The following KCNT1 variants were observed in gnomAD, a reference collection of about 807,000 sequenced individuals.
KCNT1 encodes the protein potassium channel subfamily T member 1.
Under a neutral mutation model 147.8 loss-of-function variants are expected in KCNT1, and 78 were observed. That is an observed-to-expected ratio of 0.53 (90% confidence interval 0.44 to 0.64). The LOEUF (loss-of-function observed/expected upper bound fraction) is 0.64, where lower values mean the gene tolerates loss of function less well. Among genes scored for constraint, KCNT1 ranks in the 30% least tolerant of loss-of-function variants. KCNT1 has a pLI of 0.00. For synonymous variants in KCNT1, 867 were observed against 748.8 expected, an observed-to-expected ratio of 1.16 and a Z score of -2.58; for missense variants, 1,419 against 1,750.3, an observed-to-expected ratio of 0.81 and a Z score of 3.38.
At position 135,770,453 on chromosome 9, in the gene KCNT1, G is replaced by A. The variant is rs927454585; in HGVS notation, c.1769+6G>A. ...GCCTTCCACGCCCACAAGAAGTAAG[G>A]CCGGGCTGCATCCACAGGGCTGGCG... On this transcript the variant is annotated splice_donor_region_variant and intron_variant, in intron 17 of 30. Transcript: ENST00000371757. The A allele has an allele frequency of 5.0e-6, 8 of 1,607,322 alleles. No homozygotes were observed. Among genetic ancestry groups the A allele is most frequent in the Non-Finnish European group, 6.8e-6 (8 of 1,176,898 alleles).
intron 2 of KCNT1, among the ~76,000 whole-genome samples, chr9:135,744,086 C>G (rs12683679): frequency 6.6e-6 from 1 of 152,312 alleles, no homozygotes; most frequent in East Asian, 1.9e-4. Flanking sequence ...AGAGGCAGCT[C>G]GGACCTCGGC....
chr9:135,773,718 G>A (rs771167590), intron 19 of KCNT1, among the ~76,000 whole-genome samples: 2 of 152,268 alleles, frequency 1.3e-5, no homozygotes, highest in African/African-American at 2.4e-5. Context: ...TGCCTCTGGG[G>A]TGGGGTCAAC....
At position 135,740,509 on chromosome 9, in the gene KCNT1, G is replaced by C. The variant is rs117849863; in HGVS notation, c.255-9589G>C. 7.1e-3 allele frequency among the ~76,000 whole-genome samples: 1,089 copies of C among 152,316 alleles called. 4 individuals are homozygous for C. The highest frequency in any genetic ancestry group is 0.011 in the Non-Finnish European group (767 of 68,008). ...CTGGCAGCTGAGACTGCTCCTTATG[G>C]GCACAAGTCAAGTGGGGATGGCCCC... On this transcript the variant is annotated intron_variant, in intron 2 of 30. Transcript: ENST00000371757.
chr9:135,735,709 T>C (rs896303403), intron 2 of KCNT1, among the ~76,000 whole-genome samples: 1 of 151,878 alleles, frequency 6.6e-6, no homozygotes, highest in South Asian at 2.1e-4. Flanking sequence ...GGGGAAGAAA[T>C]AGAGACAGAT....
At position 135,704,675 on chromosome 9, in the gene KCNT1, C is replaced by T. The variant is rs1588241999; in HGVS notation, c.110+2307C>T. ...CTTTCCTGGAAATACCACTTCCCAG[C>T]AGCTGTGCTCCAGGGCGGGCCTGGG... On this transcript the variant is annotated intron_variant, in intron 1 of 30. Transcript: ENST00000371757. 2.0e-5 allele frequency among the ~76,000 whole-genome samples: 3 copies of T among 152,350 alleles called. No homozygotes were observed. The South Asian group carries it at 6.2e-4, about 32-fold the overall frequency.
At chr9:135,765,497 C>A in intron 12 of KCNT1, 127 bp from the exon 13 acceptor site, 2 of 1,107,474 alleles carry the variant, frequency 1.8e-6, no homozygotes, top group Non-Finnish European at 2.5e-6. Flanking sequence ...TTCCCTCCCA[C>A]CAGATGCAAG....
intron 2 of KCNT1, among the ~76,000 whole-genome samples, chr9:135,743,053 G>C (rs1830645730): frequency 6.6e-6 from 1 of 152,180 alleles, no homozygotes. Context: ...CCCCAGAGGT[G>C]GGTGGTCCGC....
At chr9:135,764,717 C>T (rs1390744257) in intron 11 of KCNT1, among the ~76,000 whole-genome samples, 1 of 152,170 alleles carries the variant, frequency 6.6e-6, no homozygotes, top group Non-Finnish European at 1.5e-5. Context: ...CCACGCTTAC[C>T]ATCAAGAGAG....
At chr9:135,754,235 C>T (rs912379127) in intron 5 of KCNT1, among the ~76,000 whole-genome samples, 9 of 152,356 alleles carry the variant, frequency 5.9e-5, no homozygotes, top group African/African-American at 2.2e-4. Flanking sequence ...TGCCCAGCCT[C>T]AACCCAGCAG....
intron 28 of KCNT1, 44 bp from the exon 29 acceptor site, chr9:135,786,153 G>A: frequency 6.4e-7 from 1 of 1,553,178 alleles, no homozygotes; most frequent in Non-Finnish European, 8.7e-7. Context: ...GACCCTCCCG[G>A]CAGCCTCACC....
chr9:135,751,751 G>A (rs963652974), intron 4 of KCNT1, among the ~76,000 whole-genome samples: 8 of 152,152 alleles, frequency 5.3e-5, no homozygotes, highest in South Asian at 2.1e-4. Flanking sequence ...TGCGGCCCTC[G>A]GTGCCGGCCT....
intron 24 of KCNT1, among the ~76,000 whole-genome samples, chr9:135,782,579 C>T (rs762827282): frequency 6.6e-6 from 1 of 152,220 alleles, no homozygotes; most frequent in Non-Finnish European, 1.5e-5. Context: ...TTGTGAATGG[C>T]ACCCGCTCAG....
chr9:135,774,563 GGT>G (rs765162240), intron 19 of KCNT1, among the ~76,000 whole-genome samples: 3 of 150,538 alleles, frequency 2.0e-5, no homozygotes, highest in Admixed American at 1.3e-4. Flanking sequence ...TGGTCTGTGT[GGT>G]GTGTCTGTGT....
chr9:135,788,327 C>T (rs1016730923), intron 29 of KCNT1, among the ~76,000 whole-genome samples: 2 of 152,268 alleles, frequency 1.3e-5, no homozygotes, highest in East Asian at 1.9e-4. Flanking sequence ...CCTCGCATGC[C>T]GACAGAGTGT....
chr9:135,785,175 C>T, intron 27 of KCNT1, 135 bp from the exon 28 acceptor site: 1 of 1,344,406 alleles, frequency 7.4e-7, no homozygotes, highest in Non-Finnish European at 1.0e-6. Flanking sequence ...CGGGCAGCCC[C>T]TGTGCTGCAG....
At chr9:135,771,890 GA>G (rs1372617800) in intron 18 of KCNT1, among the ~76,000 whole-genome samples, 8 of 152,034 alleles carry the variant, frequency 5.3e-5, no homozygotes, top group Admixed American at 5.2e-4. Flanking sequence ...GGCCCAGGCA[GA>G]GGCTGACCCT....
At chr9:135,738,723 T>G (rs1363138689) in intron 2 of KCNT1, among the ~76,000 whole-genome samples, 6 of 152,084 alleles carry the variant, frequency 3.9e-5, no homozygotes, top group Non-Finnish European at 8.8e-5. Context: ...TGCCCAGAGC[T>G]CCCCTAACAC....
Position 135,777,426 on chromosome 9 carries a change from G to C in KCNT1, c.2438G>C (p.Gly813Ala). The change falls in exon 21 of 31, where the codon GGG becomes GCG. Residue 813 changes from glycine to alanine, a missense_variant. Gly to Ala is a moderately conservative substitution (Grantham distance 60, BLOSUM62 0). Transcript: ENST00000371757. ...GTCTCGGCAGAGACGGCCGGCAATGGGCTGTACAACTTCATCGTGCCACTG... is the reference window on the plus strand; with the variant it reads ...GTCTCGGCAGAGACGGCCGGCAATGCGCTGTACAACTTCATCGTGCCACTG... ...IIVSAETAGNGLYNFIVPLRA... is the reference protein window; with the variant it reads ...IIVSAETAGNALYNFIVPLRA... 6.2e-7 allele frequency: 1 copy of C among 1,614,066 alleles called. No homozygotes were observed. The highest frequency in any genetic ancestry group is 8.5e-7 in the Non-Finnish European group (1 of 1,179,974).
At chr9:135,744,679 T>C (rs1180125411) in intron 2 of KCNT1, among the ~76,000 whole-genome samples, 1 of 152,078 alleles carries the variant, frequency 6.6e-6, no homozygotes, top group African/African-American at 2.4e-5. Context: ...CAGGGACAAG[T>C]TGTTCGCCAT....
Sources: gnomAD v4.1 joint callset for allele counts (sites outside exome capture counted in the v4.1 genomes callset) on GRCh38, gnomAD v4.1.1 for gene constraint, MANE v1.5 for transcripts, NCBI Gene and HGNC (gene_info 2026-07-23, HGNC 2026-07-21) for gene names.